EIF2S3: variants seen among roughly 807,000 people sequenced by gnomAD.
EIF2S3 encodes eukaryotic translation initiation factor 2 subunit gamma.
In EIF2S3, 2 loss-of-function variants were observed where a neutral mutation model predicts 31.7. The observed-to-expected ratio is 0.06, with a 90% CI of 0.03 to 0.20. EIF2S3 has a LOEUF of 0.20. Ranked by LOEUF, EIF2S3 falls within the 10% of genes least tolerant of loss-of-function variation. EIF2S3 has a pLI of 1.00. For missense variants in EIF2S3, 96 were observed against 359.3 expected (o/e 0.27, Z 5.92); for synonymous variants, 120 against 126.7 (o/e 0.95, Z 0.36).
chrX:24,054,960 T>C lies in EIF2S3; in HGVS notation c.-9T>C. ...GCAGCCGGGGTGATTTCCTTCCTCT[T>C]TTGGCAACATGGCGGGCGGAGAAGC... is the stretch of plus-strand genomic sequence containing the variant. On this transcript the variant is annotated 5_prime_UTR_variant, in exon 1 of 12. Coordinates refer to ENST00000253039, the MANE Select transcript of EIF2S3 (RefSeq NM_001415.4). 8.3e-7 allele frequency: 1 copy of C among 1,211,311 alleles called. No individual in the cohort carries two copies. The highest frequency in any genetic ancestry group is 1.7e-5 in the African/African-American group (1 of 57,805).
chrX:24,066,849 A>AT (rs1930583590), intron 8 of EIF2S3, among the ~76,000 whole-genome samples: 1 of 111,929 alleles, frequency 8.9e-6, no homozygotes, highest in Non-Finnish European at 1.9e-5. Flanking sequence ...TCATCTGTTC[A>AT]TGGGCACTTA....
rs146275076 is a variant in EIF2S3 at position 24,077,085 on chromosome X, T to A, written c.*300T>A. On this transcript the variant is annotated 3_prime_UTR_variant, in exon 12 of 12. Transcript: ENST00000253039. ...TGCAGTTCTGTTTTTTTGTTTGTTTTATTTTGTTTTGTTTTTGAGTCTGGC... is the reference window on the plus strand; with the variant it reads ...TGCAGTTCTGTTTTTTTGTTTGTTTAATTTTGTTTTGTTTTTGAGTCTGGC... 7.7e-3 allele frequency: 1,435 copies of A among 185,846 alleles called. 19 individuals are homozygous for A. Among genetic ancestry groups the A allele is most frequent in the African/African-American group, 0.04 (1,298 of 32,648 alleles). 15.3% of individuals were successfully genotyped at this position (185,846 alleles called of 1,213,427 possible).
intron 5 of EIF2S3, among the ~76,000 whole-genome samples, chrX:24,060,778 A>G (rs1001331145): frequency 9.3e-6 from 1 of 107,403 alleles, no homozygotes; most frequent in Admixed American, 1.0e-4. Flanking sequence ...CCTGACCAAC[A>G]TGGAGAAACC....
intron 4 of EIF2S3, among the ~76,000 whole-genome samples, chrX:24,058,171 A>G (rs1015167166): frequency 9.0e-6 from 1 of 111,583 alleles, no homozygotes; most frequent in African/African-American, 3.3e-5. Flanking sequence ...CAGGATACTG[A>G]CACCTGTCTA....
At chrX:24,064,040 C>T (rs1012205514) in intron 6 of EIF2S3, among the ~76,000 whole-genome samples, 161 bp from the exon 7 acceptor site, 4 of 112,180 alleles carry the variant, frequency 3.6e-5, no homozygotes, top group African/African-American at 1.3e-4. Context: ...ATATTGCCAT[C>T]TTTCTAAACA....
chrX:24,060,317 C>T, intron 5 of EIF2S3, 135 bp downstream of exon 5: 1 of 508,284 alleles, frequency 2.0e-6, no homozygotes, highest in East Asian at 3.7e-5. Context: ...ACATGTCATC[C>T]AGGATGACTT....
intron 8 of EIF2S3, 33 bp downstream of exon 8, chrX:24,066,125 T>A: frequency 1.5e-6 from 1 of 664,556 alleles, no homozygotes; most frequent in Non-Finnish European, 1.9e-6. Context: ...TGATTTTGGG[T>A]TTTTTTTTTT....
chrX:24,061,265 A>G (rs1168606495), intron 5 of EIF2S3, among the ~76,000 whole-genome samples: 23 of 103,602 alleles, frequency 2.2e-4, no homozygotes, highest in Admixed American at 5.3e-4. Flanking sequence ...TTAAAAAAAA[A>G]AAAAAAAAAA....
chrX:24,076,403 G>T (rs1285658804), intron 11 of EIF2S3, among the ~76,000 whole-genome samples: 1 of 110,852 alleles, frequency 9.0e-6, no homozygotes, highest in East Asian at 2.8e-4. Flanking sequence ...GCATGGTGGC[G>T]CATGCCTGTA....
intron 7 of EIF2S3, among the ~76,000 whole-genome samples, chrX:24,065,640 A>G (rs1930560575): frequency 9.0e-6 from 1 of 111,224 alleles, no homozygotes; most frequent in Non-Finnish European, 1.9e-5. Flanking sequence ...TGATTATTTT[A>G]TTTTTCTTTA....
At chrX:24,066,816 T>C (rs921078375) in intron 8 of EIF2S3, among the ~76,000 whole-genome samples, 2 of 112,395 alleles carry the variant, frequency 1.8e-5, no homozygotes, top group African/African-American at 6.5e-5. Context: ...GCCCGGCCTA[T>C]ATACTGCATT....
chrX:24,068,335 A>G (rs1930609214), intron 9 of EIF2S3, among the ~76,000 whole-genome samples: 1 of 112,240 alleles, frequency 8.9e-6, no homozygotes, highest in South Asian at 3.6e-4. Context: ...GATCAAATAT[A>G]GAGTAACTCC....
intron 9 of EIF2S3, among the ~76,000 whole-genome samples, chrX:24,070,438 A>AG (rs1930649071): frequency 1.8e-5 from 1 of 55,271 alleles, no homozygotes; most frequent in Non-Finnish European, 3.1e-5. Context: ...AATCATATGT[A>AG]GTTTTTTTTT....
chrX:24,067,925 G>A (rs774500187), intron 8 of EIF2S3, 39 bp from the exon 9 acceptor site: 13 of 1,134,762 alleles, frequency 1.1e-5, no homozygotes, highest in South Asian at 8.9e-5. Context: ...ATAATTTTGC[G>A]TAACACAGTA....
In EIF2S3 at chrX:24,057,745, A is replaced by C. The variant is rs16997659; in HGVS notation, c.374A>C (p.Lys125Thr). ...ATTCCAGGGACCAAAGGGAACTTCA[A>C]ATTAGTCAGGTGACCTCTCTTTTGC... is the stretch of plus-strand genomic sequence containing the variant. The part of the protein sequence containing the change: ...TDIPGTKGNF[K>T]LVRHVSFVDC... The change falls in exon 4 of 12, where the codon AAA (lysine) becomes ACA (threonine). Residue 125 changes from lysine (K) to threonine (T), a missense_variant. Lys to Thr is a moderately conservative substitution (Grantham distance 78). Around this residue, in one of 5 missense-constraint regions of EIF2S3, gnomAD observed 22 missense variants for 34.5 expected, o/e 0.64. Coordinates refer to ENST00000253039, the MANE Select transcript of EIF2S3 (RefSeq NM_001415.4). 2.5e-6 allele frequency: 3 copies of C among 1,205,587 alleles called. No homozygotes were observed. The highest frequency in any genetic ancestry group is 3.4e-6 in the Non-Finnish European group (3 of 893,579).
At chrX:24,074,660 T>C (rs773297350) in intron 11 of EIF2S3, among the ~76,000 whole-genome samples, 2 of 110,415 alleles carry the variant, frequency 1.8e-5, no homozygotes, top group African/African-American at 6.6e-5. Flanking sequence ...ACATTTATCA[T>C]TTGGCATTCT....
chrX:24,071,827 G>A, intron 10 of EIF2S3, 100 bp downstream of exon 10: 2 of 895,275 alleles, frequency 2.2e-6, no homozygotes, highest in Non-Finnish European at 3.0e-6. Flanking sequence ...ATGAAATTAA[G>A]AAAAAAAGAA....
rs376678844 is a variant in EIF2S3 at position 24,057,576 on chromosome X, C to T, written c.261+28C>T. Reference sequence around the variant, plus strand: ...AAGCTGTGTACTGTGGAACGAGAAACTAACTTTAATTGTTGTGCAGATAAC... The same window carrying T: ...AAGCTGTGTACTGTGGAACGAGAAATTAACTTTAATTGTTGTGCAGATAAC... On this transcript the variant is annotated intron_variant, in intron 3 of 11. Coordinates refer to ENST00000253039, the MANE Select transcript of EIF2S3 (RefSeq NM_001415.4). The T allele has an allele frequency of 7.5e-6, 9 of 1,206,183 alleles. No individual in the cohort carries two copies. In the African/African-American group the frequency reaches 1.2e-4, roughly 16 times the overall value.
At chrX:24,074,859 C>CTTTT (rs1316212428) in intron 11 of EIF2S3, among the ~76,000 whole-genome samples, 8 of 26,173 alleles carry the variant, frequency 3.1e-4, no homozygotes, top group East Asian at 1.1e-3. Context: ...TTTTTTTCTT[C>CTTTT]TTCTTTTTTT....
Sources: gnomAD v4.1 joint callset for allele counts (sites outside exome capture counted in the v4.1 genomes callset) on GRCh38, gnomAD v4.1.1 for gene constraint, gnomAD v4.1.1 regional missense constraint, MANE v1.5 for transcripts, NCBI Gene and HGNC (gene_info 2026-07-23, HGNC 2026-07-21) for gene names.